Variants in TVP23B observed in about 807,000 individuals in gnomAD.
TVP23B encodes the protein trans-golgi network vesicle protein 23 homolog B.
A neutral mutation model predicts 30.6 loss-of-function variants in TVP23B; 10 were observed. The observed-to-expected ratio is 0.33, with a 90% CI of 0.20 to 0.55. The LOEUF is 0.55. Among genes scored for constraint, TVP23B ranks in the 20% least tolerant of loss-of-function variants. The probability of loss-of-function intolerance (pLI) is 0.91; values close to 1 mark genes in which losing one functional copy is unlikely to be tolerated. For missense variants in TVP23B, 153 were observed against 243.2 expected, an observed-to-expected ratio of 0.63 and a Z score of 2.47; for synonymous variants, 67 against 83.1, an observed-to-expected ratio of 0.81 and a Z score of 1.06.
rs376339317 is a variant in TVP23B, at chr17:18,804,140, G to A, written c.465G>A (p.Ala155=). ...GATTATTTTTTCCCTTGTCCCAGGC[G>A]GTGGTTATCATGGGTGTGGTGCTAC... ...ALFSFRVKWL[A]VVIMGVVLQG... is the part of the protein sequence containing the mutation. Residue 155 remains alanine (A), a splice_region_variant and synonymous_variant, in exon 6 of 7, where the codon GCG becomes GCA. Coordinates refer to ENST00000307767, the MANE Select transcript of TVP23B (RefSeq NM_016078.6). 6.8e-6 allele frequency: 11 copies of A among 1,613,728 alleles called. No homozygotes were observed. The highest frequency in any genetic ancestry group is 2.2e-5 in the East Asian group (1 of 44,900).
intron 6 of TVP23B, among the ~76,000 whole-genome samples, chr17:18,805,078 CTTTTTTTTTTTTTTT>C (rs71155360): frequency 2.8e-5 from 3 of 108,750 alleles, no homozygotes; most frequent in Admixed American, 1.0e-4. Context: ...GTGACTAGGT[CTTTTTTTTTTTTTTT>C]TTTTTTTTTT....
intron 5 of TVP23B, among the ~76,000 whole-genome samples, chr17:18,801,604 T>A (rs945270719): frequency 6.6e-6 from 1 of 151,992 alleles, no homozygotes; most frequent in African/African-American, 2.4e-5. Context: ...TCTTCCTTAG[T>A]GGGGCTCTTG....
At chr17:18,784,244 G>A (rs989924074) in intron 1 of TVP23B, among the ~76,000 whole-genome samples, 1 of 152,202 alleles carries the variant, frequency 6.6e-6, no homozygotes, top group African/African-American at 2.4e-5. Context: ...ATATATGCTT[G>A]TCTTTTAATT....
At chr17:18,784,811 A>G (rs1287279913) in intron 1 of TVP23B, among the ~76,000 whole-genome samples, 1 of 152,146 alleles carries the variant, frequency 6.6e-6, no homozygotes, top group Non-Finnish European at 1.5e-5. Flanking sequence ...CTTCTTTTTC[A>G]GTCCCCACAG....
At chr17:18,789,297 G>T (rs1373255550) in intron 1 of TVP23B, 56 bp from the exon 2 acceptor site, 10 of 1,608,478 alleles carry the variant, frequency 6.2e-6, no homozygotes, top group Non-Finnish European at 8.5e-6. Flanking sequence ...GCATTGCAGT[G>T]GCTGTGTAAA....
At chr17:18,797,333 G>A in intron 3 of TVP23B, 1 of 447,184 alleles carries the variant, frequency 2.2e-6, no homozygotes. Flanking sequence ...TGAGGGAAAA[G>A]AGAAGGTGTA....
At chr17:18,784,262 T>C (rs2035865742) in intron 1 of TVP23B, among the ~76,000 whole-genome samples, 1 of 152,258 alleles carries the variant, frequency 6.6e-6, no homozygotes, top group African/African-American at 2.4e-5. Context: ...ATTCTTCCAG[T>C]CTCTCTTGTA....
At chr17:18,786,441 G>C (rs1163577363) in intron 1 of TVP23B, among the ~76,000 whole-genome samples, 1 of 150,816 alleles carries the variant, frequency 6.6e-6, no homozygotes, top group Non-Finnish European at 1.5e-5. Flanking sequence ...AGTGCTGAGA[G>C]GTTTCAGTAG....
At chr17:18,785,385 C>T (rs202033211) in intron 1 of TVP23B, among the ~76,000 whole-genome samples, 5 of 137,800 alleles carry the variant, frequency 3.6e-5, no homozygotes, top group Admixed American at 7.3e-5. Flanking sequence ...AGCTATTTGT[C>T]TTTTTTTTTT....
intron 5 of TVP23B, among the ~76,000 whole-genome samples, chr17:18,801,564 C>G (rs375758195): frequency 0.11 from 14,923 of 132,666 alleles, 128 homozygotes; most frequent in African/African-American, 0.15. Context: ...GGCTCTTGCT[C>G]TCTTGGCTGG....
chr17:18,784,540 G>C (rs1230136961), intron 1 of TVP23B, among the ~76,000 whole-genome samples: 4 of 152,176 alleles, frequency 2.6e-5, no homozygotes, highest in Non-Finnish European at 5.9e-5. Context: ...AGCTACTCGG[G>C]AGGCTGAGGC....
chr17:18,798,478 T>G lies in TVP23B; in HGVS notation c.331-334T>G, dbSNP rs573480857. Among the ~76,000 whole-genome samples the G allele has an allele frequency of 2.0e-5, 3 of 152,048 alleles. No homozygotes were observed. In the South Asian group the frequency reaches 6.2e-4, roughly 31 times the overall value. ...ATGATTATAACTGTGATTTCCTTGA[T>G]CATTGGTAGGAAAGGTATCATTTAG... On this transcript the variant is annotated intron_variant, in intron 4 of 6. Coordinates refer to ENST00000307767, the MANE Select transcript of TVP23B (RefSeq NM_016078.6).
chr17:18,790,517 T>C (rs958410850), intron 2 of TVP23B, among the ~76,000 whole-genome samples: 33 of 151,704 alleles, frequency 2.2e-4, no homozygotes, highest in African/African-American at 7.0e-4. Flanking sequence ...GATAACTTTG[T>C]CTTAATGTCT....
chr17:18,793,252 T>A (rs1448779622), intron 3 of TVP23B, among the ~76,000 whole-genome samples: 1 of 152,080 alleles, frequency 6.6e-6, no homozygotes, highest in Non-Finnish European at 1.5e-5. Flanking sequence ...ATATTGGTTT[T>A]TATTTTATTC....
intron 2 of TVP23B, among the ~76,000 whole-genome samples, chr17:18,790,300 T>A (rs1322444389): frequency 6.6e-6 from 1 of 151,568 alleles, no homozygotes; most frequent in Non-Finnish European, 1.5e-5. Context: ...CCATCTCTAC[T>A]AAAAATACAA....
chr17:18,781,263 C>A lies in TVP23B; in HGVS notation c.-31C>A, dbSNP rs745922848. ...CCCGTACGCTGCTGCGCTGACGTGG[C>A]TCCCGGAAGTAGGGCTGGCGTAGGG... On this transcript the variant is annotated 5_prime_UTR_variant, in exon 1 of 7. Coordinates refer to ENST00000307767, the MANE Select transcript of TVP23B (RefSeq NM_016078.6). The A allele has an allele frequency of 8.3e-6, 13 of 1,563,880 alleles. No individual in the cohort carries two copies. In the South Asian group the frequency reaches 1.5e-4, roughly 18 times the overall value.
intron 3 of TVP23B, 91 bp downstream of exon 3, chr17:18,791,131 TTTG>T: frequency 2.1e-6 from 3 of 1,455,190 alleles, no homozygotes; most frequent in Non-Finnish European, 2.7e-6. Flanking sequence ...TTGTTAATCT[TTTG>T]TTACTTCAAA....
intron 3 of TVP23B, among the ~76,000 whole-genome samples, chr17:18,792,357 C>A (rs1035830523): frequency 6.6e-6 from 1 of 152,084 alleles, no homozygotes; most frequent in East Asian, 1.9e-4. Context: ...CTTAAAGATA[C>A]CTGAAGTGGT....
At chr17:18,796,933 C>T (rs1401419508) in intron 3 of TVP23B, 1 of 154,444 alleles carries the variant, frequency 6.5e-6, no homozygotes, top group Non-Finnish European at 1.4e-5. Context: ...ACTCTTCAAG[C>T]ATCTCACACT....
Sources: allele counts gnomAD v4.1 joint callset (sites outside exome capture counted in the v4.1 genomes callset), GRCh38; gene constraint gnomAD v4.1.1; transcripts MANE v1.5; gene names NCBI Gene and HGNC (gene_info 2026-07-23, HGNC 2026-07-21).